RIMBP2: variants seen among roughly 807,000 people sequenced by gnomAD.
RIMBP2 encodes RIMS binding protein 2, also known as RIMS-binding protein 2.
RIMBP2 carries 48 observed loss-of-function variants against 118.6 expected under a neutral mutation model. The observed-to-expected ratio is 0.40, with a 90% CI of 0.32 to 0.51. The LOEUF is 0.51. RIMBP2 is among the 20% of genes least tolerant of loss of function. The probability of loss-of-function intolerance (pLI) is 0.41; values close to 1 mark genes in which losing one functional copy is unlikely to be tolerated. For synonymous variants in RIMBP2, 762 were observed against 742.9 expected (o/e 1.03, Z -0.42); for missense variants, 1,551 against 1,768.3 (o/e 0.88, Z 2.20).
At chr12:130,649,830 C>G (rs1298070217) in intron 1 of RIMBP2, among the ~76,000 whole-genome samples, 1 of 152,004 alleles carries the variant, frequency 6.6e-6, no homozygotes, top group Non-Finnish European at 1.5e-5. Flanking sequence ...AGAGGACGTG[C>G]GGGTGCTGGG....
At chr12:130,672,109 G>A (rs2064227388) in intron 1 of RIMBP2, among the ~76,000 whole-genome samples, 1 of 152,166 alleles carries the variant, frequency 6.6e-6, no homozygotes. Context: ...ACTCGTGTCG[G>A]TTGGACGACT....
chr12:130,482,003 G>A (rs1263830485), intron 4 of RIMBP2, among the ~76,000 whole-genome samples: 1 of 150,852 alleles, frequency 6.6e-6, no homozygotes, highest in Non-Finnish European at 1.5e-5. Context: ...ATACATTGCA[G>A]GGCATTTTTA....
At chr12:130,449,355 G>T (rs2078801427) in intron 9 of RIMBP2, among the ~76,000 whole-genome samples, 1 of 152,262 alleles carries the variant, frequency 6.6e-6, no homozygotes, top group African/African-American at 2.4e-5. Flanking sequence ...GTCCGCCTCT[G>T]CGGAAGCTCC....
chr12:130,696,118 A>G (rs780561664), intron 1 of RIMBP2, among the ~76,000 whole-genome samples: 1 of 152,228 alleles, frequency 6.6e-6, no homozygotes, highest in African/African-American at 2.4e-5. Context: ...ATGCATGGAC[A>G]CAACCCTGCC....
chr12:130,436,439 T>C lies in RIMBP2; in HGVS notation c.2106+403A>G, dbSNP rs559662488. 3.9e-5 allele frequency among the ~76,000 whole-genome samples: 6 copies of C among 152,152 alleles called. No individual in the cohort carries two copies. In the South Asian group the frequency reaches 1.2e-3, roughly 32 times the overall value. On this transcript the variant is annotated intron_variant, in intron 13 of 22. Coordinates refer to ENST00000690449, the MANE Select transcript of RIMBP2 (RefSeq NM_001393629.1). ...CATATGTGCATGTGTGTGTATATAT[T>C]TACATGCACACACACACAGAACCTA...
intron 1 of RIMBP2, among the ~76,000 whole-genome samples, chr12:130,679,137 G>C (rs982488415): frequency 6.6e-6 from 1 of 152,194 alleles, no homozygotes; most frequent in Non-Finnish European, 1.5e-5. Context: ...AAGGGTTATA[G>C]AATCTAGAAG....
At chr12:130,457,827 G>C (rs1037394466) in intron 6 of RIMBP2, among the ~76,000 whole-genome samples, 4 of 152,224 alleles carry the variant, frequency 2.6e-5, no homozygotes, top group African/African-American at 9.6e-5. Context: ...GCCCTGAGCT[G>C]TGGGCACCGT....
At chr12:130,659,973 CAA>C (rs78161225) in intron 1 of RIMBP2, 1,989 of 121,300 alleles carry the variant, frequency 0.016, 30 homozygotes, top group African/African-American at 0.05. Context: ...GACTCCATCT[CAA>C]AAAAAAAAAA....
chr12:130,664,465 A>ACGCACACG (rs1555320961), intron 1 of RIMBP2, among the ~76,000 whole-genome samples: 4 of 122,634 alleles, frequency 3.3e-5, no homozygotes, highest in Non-Finnish European at 5.4e-5. Context: ...ATGCACGCAC[A>ACGCACACG]CACACGCACG....
intron 2 of RIMBP2, among the ~76,000 whole-genome samples, chr12:130,572,614 G>C (rs894545940): frequency 3.9e-5 from 6 of 152,006 alleles, no homozygotes; most frequent in Non-Finnish European, 8.8e-5. Context: ...TCCACAGCAT[G>C]ATGTGCTGTT....
chr12:130,582,698 G>A (rs1284265580), intron 2 of RIMBP2, among the ~76,000 whole-genome samples: 1 of 152,212 alleles, frequency 6.6e-6, no homozygotes, highest in Non-Finnish European at 1.5e-5. Context: ...CACATTCTCT[G>A]CCCAAACCCA....
At chr12:130,522,106 C>T (rs1024209268) in intron 2 of RIMBP2, among the ~76,000 whole-genome samples, 3 of 152,180 alleles carry the variant, frequency 2.0e-5, no homozygotes, top group Admixed American at 6.5e-5. Flanking sequence ...CCCTGAAATC[C>T]CCCTCCCAGG....
At chr12:130,474,807 G>A (rs141582217) in intron 5 of RIMBP2, among the ~76,000 whole-genome samples, 1,737 of 152,224 alleles carry the variant, frequency 0.011, 33 homozygotes, top group African/African-American at 0.039. Flanking sequence ...GTCCCAGCCC[G>A]GACACGCTGC....
At chr12:130,598,881 G>A (rs796204160) in intron 2 of RIMBP2, among the ~76,000 whole-genome samples, 2 of 152,248 alleles carry the variant, frequency 1.3e-5, no homozygotes, top group African/African-American at 4.8e-5. Flanking sequence ...GCAACTGATT[G>A]TCTTTTGGAA....
intron 2 of RIMBP2, among the ~76,000 whole-genome samples, chr12:130,574,579 C>A (rs1297125395): frequency 6.6e-6 from 1 of 152,186 alleles, no homozygotes. Flanking sequence ...TGGTAGGCCG[C>A]AGGCAGCTTC....
rs1223457753 is a variant in RIMBP2, at chr12:130,701,235, C to T, written c.-352+14987G>A. On this transcript the variant is annotated intron_variant, in intron 1 of 22. Transcript: ENST00000690449. The stretch of plus-strand genomic sequence containing the variant: ...AGCCCCCCAGCAGGTGGGAGCTGAG[C>T]CGGGGCCCTCACGCTGTAAGCCCCC... Among the ~76,000 whole-genome samples, 10 of 152,294 alleles carry T rather than the reference C, an allele frequency of 6.6e-5. No individual in the cohort carries two copies. The South Asian group carries it at 1.7e-3, about 25-fold the overall frequency.
chr12:130,469,914 T>C lies in RIMBP2; in HGVS notation c.153+779A>G, dbSNP rs1044528179. On this transcript the variant is annotated intron_variant, in intron 6 of 22. Transcript: ENST00000690449. The surrounding 1 kb of genome is among the most constrained non-coding windows in gnomAD (Gnocchi z 4.8). Reference sequence around the variant, plus strand: ...TCGGCAGGTGGGGGCCCCAGCTCACTGTAGCCCAGCCACTGTGCATGATGG... The same window carrying C: ...TCGGCAGGTGGGGGCCCCAGCTCACCGTAGCCCAGCCACTGTGCATGATGG... Among the ~76,000 whole-genome samples, 4 of 152,152 alleles carry C rather than the reference T, an allele frequency of 2.6e-5. No homozygotes were observed. The highest frequency in any genetic ancestry group is 9.7e-5 in the African/African-American group (4 of 41,436).
intron 2 of RIMBP2, among the ~76,000 whole-genome samples, chr12:130,518,568 C>A (rs765132466): frequency 6.6e-6 from 1 of 152,170 alleles, no homozygotes; most frequent in Non-Finnish European, 1.5e-5. Context: ...CCACCTAGAG[C>A]CAGAGCTTTT....
intron 1 of RIMBP2, among the ~76,000 whole-genome samples, chr12:130,664,415 A>ACACACGCACACACGCACACACACGCACG (rs2063806201): frequency 7.7e-6 from 1 of 130,496 alleles, no homozygotes; most frequent in Admixed American, 7.8e-5. Flanking sequence ...ACGCACGCAC[A>ACACACGCACACACGCACACACACGCACG]CACACGCACA....
Sources: gnomAD v4.1 joint callset for allele counts (sites outside exome capture counted in the v4.1 genomes callset) on GRCh38, gnomAD v4.1.1 for gene constraint, Gnocchi (gnomAD v3.1) non-coding constraint, MANE v1.5 for transcripts, NCBI Gene and HGNC (gene_info 2026-07-23, HGNC 2026-07-21) for gene names.